Variants in NUP210L observed in about 807,000 individuals in gnomAD.
The protein encoded by NUP210L is nucleoporin 210 like.
In NUP210L, 74 loss-of-function variants were observed where a neutral mutation model predicts 208.5. The ratio of observed to expected loss-of-function variants is 0.35; its 90% CI spans 0.29 to 0.43. The LOEUF is 0.43. Ranked by LOEUF, NUP210L falls within the 20% of genes least tolerant of loss-of-function variation. The pLI, the probability that NUP210L is intolerant of heterozygous loss-of-function variation, is 1.00. For missense variants in NUP210L, 1,843 were observed against 2,289.4 expected, an observed-to-expected ratio of 0.81 and a Z score of 3.98; for synonymous variants, 780 against 816.9, an observed-to-expected ratio of 0.95 and a Z score of 0.77.
At chr1:154,124,840 T>C (rs138408004) in intron 10 of NUP210L, among the ~76,000 whole-genome samples, 31 of 152,074 alleles carry the variant, frequency 2.0e-4, no homozygotes, top group Middle Eastern at 3.4e-3. Flanking sequence ...TAGTCCCAGC[T>C]ACTTGGAAGG....
intron 35 of NUP210L, among the ~76,000 whole-genome samples, chr1:154,008,896 A>C: frequency 6.6e-6 from 1 of 150,770 alleles, no homozygotes; most frequent in African/African-American, 2.4e-5. Flanking sequence ...ATGAAGCACT[A>C]CCTTATTTAT....
intron 9 of NUP210L, 149 bp from the exon 10 acceptor site, chr1:154,126,612 A>G: frequency 1.8e-6 from 1 of 548,172 alleles, no homozygotes; most frequent in East Asian, 3.1e-5. Context: ...ATAGAAATTA[A>G]AAGTTGGGGA....
intron 12 of NUP210L, among the ~76,000 whole-genome samples, chr1:154,112,537 A>G (rs1190592722): frequency 6.6e-6 from 1 of 152,174 alleles, no homozygotes; most frequent in Non-Finnish European, 1.5e-5. Flanking sequence ...TTGTATGGCC[A>G]TATCAAAATA....
At chr1:154,050,142 C>T (rs931873102) in intron 25 of NUP210L, among the ~76,000 whole-genome samples, 2 of 152,206 alleles carry the variant, frequency 1.3e-5, no homozygotes, top group African/African-American at 4.8e-5. Context: ...CTACTCCTTA[C>T]TCCTACTTAG....
intron 22 of NUP210L, 24 bp downstream of exon 22, chr1:154,058,065 A>G (rs1653962845): frequency 6.2e-7 from 1 of 1,613,552 alleles, no homozygotes; most frequent in East Asian, 2.2e-5. Flanking sequence ...CAGAGTGGGA[A>G]GGAAGTATTG....
exon 40 of NUP210L, chr1:153,992,750 A>G (rs1315111316): frequency 1.3e-5 from 11 of 849,598 alleles, no homozygotes; most frequent in African/African-American, 1.0e-4. Flanking sequence ...CTGGAAACTT[A>G]ATGTAGAAGT....
intron 32 of NUP210L, among the ~76,000 whole-genome samples, chr1:154,021,398 A>G (rs928758083): frequency 6.6e-6 from 1 of 151,508 alleles, no homozygotes; most frequent in East Asian, 1.9e-4. Context: ...AAGGCAGGAG[A>G]CTCGCTTGAA....
exon 14 of NUP210L, chr1:154,100,119 T>C (rs766396966): frequency 2.2e-5 from 36 of 1,613,966 alleles, no homozygotes; most frequent in Non-Finnish European, 2.9e-5. Flanking sequence ...ACTGGAACAA[T>C]GCATTGGTCC....
chr1:154,085,292 G>A (rs1655567334), intron 16 of NUP210L, among the ~76,000 whole-genome samples: 1 of 150,992 alleles, frequency 6.6e-6, no homozygotes. Context: ...AGAGCTTGCA[G>A]TGAGCCGAGA....
intron 16 of NUP210L, among the ~76,000 whole-genome samples, chr1:154,087,089 G>A (rs558408046): frequency 6.6e-6 from 1 of 152,222 alleles, no homozygotes; most frequent in East Asian, 1.9e-4. Context: ...GGAGGCCGAG[G>A]CGGGTGGATC....
At chr1:154,071,627 C>CTTTTT (rs893742878) in intron 16 of NUP210L, among the ~76,000 whole-genome samples, 2 of 99,796 alleles carry the variant, frequency 2.0e-5, no homozygotes, top group South Asian at 3.7e-4. Context: ...CAATTCATTC[C>CTTTTT]TTTTTTTTTT....
At chr1:154,100,523 T>G (rs1426542642) in intron 13 of NUP210L, among the ~76,000 whole-genome samples, 1 of 142,262 alleles carries the variant, frequency 7.0e-6, no homozygotes, top group Non-Finnish European at 1.5e-5. Flanking sequence ...TTGTTTTTTT[T>G]TTTTTTTTTT....
chr1:154,019,176 TC>T (rs1651420839), intron 32 of NUP210L, 107 bp from the exon 33 acceptor site: 1 of 1,101,012 alleles, frequency 9.1e-7, no homozygotes, highest in Middle Eastern at 2.1e-4. Context: ...AGATATCTCT[TC>T]CCAGGAGAAA....
chr1:154,149,287 T>C lies in NUP210L; in HGVS notation c.340+3449A>G, dbSNP rs559379225. ...TTTTAGTAGAGACGGGGTTTCACCA[T>C]GTAGGCCAGGCTGGTCTCGACCTCC... On this transcript the variant is annotated intron_variant, in intron 2 of 39. Transcript: ENST00000368559. Among the ~76,000 whole-genome samples, 4 of 152,256 alleles carry C rather than the reference T, an allele frequency of 2.6e-5. No homozygotes were observed. In the South Asian group the frequency reaches 6.2e-4, roughly 24 times the overall value.
At chr1:154,139,722 C>A in intron 5 of NUP210L, 80 bp downstream of exon 5, 12 of 1,025,422 alleles carry the variant, frequency 1.2e-5, no homozygotes, top group Non-Finnish European at 1.7e-5. Flanking sequence ...GTAGTGCATT[C>A]TTGTAGTACC....
chr1:154,104,614 A>G (rs981519408), intron 12 of NUP210L: 16 of 154,528 alleles, frequency 1.0e-4, no homozygotes, highest in Admixed American at 6.5e-5. Flanking sequence ...AGTGCTGCCT[A>G]CTACAGTGGA....
At chr1:154,078,865 C>T (rs1655171741) in intron 16 of NUP210L, 1 of 152,174 alleles carries the variant, frequency 6.6e-6, no homozygotes. Context: ...ACAAGAAGGC[C>T]ATGCAGTTCA....
intron 32 of NUP210L, among the ~76,000 whole-genome samples, chr1:154,021,004 C>T (rs370343181): frequency 3.3e-5 from 5 of 150,470 alleles, no homozygotes; most frequent in Non-Finnish European, 5.9e-5. Context: ...TGCAGTGGCA[C>T]GATCTCGGCT....
chr1:154,027,791 C>T (rs945945467), intron 28 of NUP210L, among the ~76,000 whole-genome samples, 194 bp from the exon 29 acceptor site: 2 of 152,118 alleles, frequency 1.3e-5, no homozygotes, highest in African/African-American at 2.4e-5. Context: ...GCACTCAAAA[C>T]GTAACTAGAT....
Sources: gnomAD v4.1 joint callset for allele counts (sites outside exome capture counted in the v4.1 genomes callset) on GRCh38, gnomAD v4.1.1 for gene constraint, MANE v1.5 for transcripts, NCBI Gene and HGNC (gene_info 2026-07-23, HGNC 2026-07-21) for gene names.